The following PLB1 variants were observed in gnomAD, a reference collection of about 807,000 sequenced individuals.
The protein encoded by PLB1 is phospholipase B1.
PLB1 carries 242 observed loss-of-function variants against 227.4 expected under a neutral mutation model. The observed-to-expected ratio is 1.06, with a 90% CI of 0.96 to 1.18. The LOEUF (loss-of-function observed/expected upper bound fraction) is 1.18, where lower values mean the gene tolerates loss of function less well. Ranked by LOEUF, PLB1 falls within the 50% of genes most tolerant of loss-of-function variation. The pLI is 0.00. For missense variants in PLB1, 1,858 were observed against 1,816.3 expected (o/e 1.02, Z -0.42); for synonymous variants, 757 against 682.2 (o/e 1.11, Z -1.71).
chr2:28,636,029 ATG>A (rs1216850755), intron 56 of PLB1, among the ~76,000 whole-genome samples: 8 of 81,278 alleles, frequency 9.8e-5, no homozygotes, highest in African/African-American at 1.6e-4. Context: ...ATGTGTGTGT[ATG>A]TGTGTGTGTG....
At chr2:28,514,846 TA>T (rs1668662544) in intron 1 of PLB1, among the ~76,000 whole-genome samples, 1 of 152,162 alleles carries the variant, frequency 6.6e-6, no homozygotes, top group Non-Finnish European at 1.5e-5. Flanking sequence ...ATTTTTATTT[TA>T]TTTTTTTATT....
chr2:28,541,686 C>T lies in PLB1; in HGVS notation c.775-21C>T, dbSNP rs745760318. ...CCTCGCTCATGTTCCTGGATGGGCACCTCTCTGCTCCCTTCTCCAGGAAGC... is the reference window on the plus strand; with the variant it reads ...CCTCGCTCATGTTCCTGGATGGGCATCTCTCTGCTCCCTTCTCCAGGAAGC... On this transcript the variant is annotated intron_variant, in intron 12 of 57. Transcript: ENST00000327757. 8 of 1,597,504 alleles carry T rather than the reference C, an allele frequency of 5.0e-6. No homozygotes were observed. The East Asian group carries it at 1.1e-4, about 22-fold the overall frequency.
intron 9 of PLB1, among the ~76,000 whole-genome samples, chr2:28,536,255 A>C (rs959003725): frequency 2.0e-5 from 3 of 152,342 alleles, no homozygotes; most frequent in East Asian, 3.9e-4. Flanking sequence ...GCAACTATCC[A>C]TTAGGTGTGA....
chr2:28,625,532 G>A (rs1238021540), intron 50 of PLB1, among the ~76,000 whole-genome samples: 1 of 151,762 alleles, frequency 6.6e-6, no homozygotes, highest in Non-Finnish European at 1.5e-5. Context: ...ACCGTTCAGT[G>A]TTTATGCCTA....
chr2:28,547,222 A>G (rs888812510), intron 14 of PLB1, among the ~76,000 whole-genome samples: 6 of 151,554 alleles, frequency 4.0e-5, no homozygotes, highest in African/African-American at 7.3e-5. Context: ...AAAAAGAAAA[A>G]AAAAAAATTG....
intron 19 of PLB1, among the ~76,000 whole-genome samples, chr2:28,566,056 A>G (rs1008273586): frequency 6.6e-6 from 1 of 152,122 alleles, no homozygotes; most frequent in Non-Finnish European, 1.5e-5. Flanking sequence ...TCTGCTCTGT[A>G]TGTGATCAAA....
At chr2:28,591,678 G>T (rs761286046) in intron 30 of PLB1, 22 bp from the exon 31 acceptor site, 1 of 1,612,644 alleles carries the variant, frequency 6.2e-7, no homozygotes, top group Non-Finnish European at 8.5e-7. Context: ...CTGAGATTCT[G>T]GGATTTGTTC....
intron 10 of PLB1, among the ~76,000 whole-genome samples, chr2:28,538,641 C>T (rs1340010036): frequency 2.0e-5 from 3 of 152,220 alleles, no homozygotes; most frequent in Non-Finnish European, 4.4e-5. Context: ...TCCCTAAGGC[C>T]TCTCTCTACC....
chr2:28,512,703 T>C (rs1270461184), intron 1 of PLB1, among the ~76,000 whole-genome samples: 1 of 148,692 alleles, frequency 6.7e-6, no homozygotes, highest in Non-Finnish European at 1.5e-5. Context: ...TTTTTTTTTG[T>C]TGGCCTGGCA....
chr2:28,600,993 C>T, intron 36 of PLB1, 133 bp downstream of exon 36: 1 of 852,758 alleles, frequency 1.2e-6, no homozygotes, highest in South Asian at 1.6e-5. Context: ...GTCGGACAGC[C>T]CCCTGACAGA....
intron 56 of PLB1, among the ~76,000 whole-genome samples, chr2:28,635,284 G>A (rs959377610): frequency 2.6e-5 from 4 of 152,128 alleles, no homozygotes; most frequent in African/African-American, 4.8e-5. Flanking sequence ...TTTTCAGATC[G>A]GCTTCTGGCT....
intron 6 of PLB1, 85 bp downstream of exon 6, chr2:28,526,030 C>A: frequency 7.0e-7 from 1 of 1,427,216 alleles, no homozygotes; most frequent in Non-Finnish European, 9.7e-7. Flanking sequence ...AGAGAATGGA[C>A]ACCACCAGCC....
At chr2:28,588,459 A>G (rs527479898) in intron 26 of PLB1, among the ~76,000 whole-genome samples, 34 of 152,176 alleles carry the variant, frequency 2.2e-4, no homozygotes, top group Non-Finnish European at 4.7e-4. Flanking sequence ...GACATGAGAC[A>G]TTCCTGGCCT....
At chr2:28,601,992 A>G in intron 38 of PLB1, 28 bp downstream of exon 38, 1 of 1,574,284 alleles carries the variant, frequency 6.4e-7, no homozygotes, top group South Asian at 1.1e-5. Context: ...ACAAGCTGGT[A>G]ACAGCTCAAG....
chr2:28,604,626 G>A (rs747556201), intron 40 of PLB1, 29 bp from the exon 41 acceptor site: 30 of 1,603,072 alleles, frequency 1.9e-5, no homozygotes, highest in South Asian at 5.5e-5. Flanking sequence ...CCAGGGCCTG[G>A]GCTGAAGACC....
Position 28,581,617 on chromosome 2 carries a change from T to TGG in PLB1, c.1567-448_1567-447dup, listed in dbSNP as rs551479089. 8.3e-4 allele frequency among the ~76,000 whole-genome samples: 127 copies of TGG among 152,190 alleles called. 1 individual carries two copies. The highest frequency in any genetic ancestry group is 2.8e-3 in the African/African-American group (117 of 41,540). Reference sequence around the variant, plus strand: ...AGGATCATGGGGCTGGTGTCCAGGCTGGGGCCCCAAAGACAAACACTATTT... The same window carrying TGG: ...AGGATCATGGGGCTGGTGTCCAGGCTGGGGGGCCCCAAAGACAAACACTATTT... On this transcript the variant is annotated intron_variant, in intron 23 of 57. Coordinates refer to ENST00000327757, the MANE Select transcript of PLB1 (RefSeq NM_153021.5).
rs913379122 is a variant in PLB1, at chr2:28,566,931, GC to G, written c.1324+96del. ...GCAGGTGGCGCGGGCCTCGGGAGGA[GC>G]CCCGGCTGCAGGAGCCCGCTAAATT... On this transcript the variant is annotated intron_variant, in intron 20 of 57. Transcript: ENST00000327757. 21 of 1,466,610 alleles carry G rather than the reference GC, an allele frequency of 1.4e-5. No homozygotes were observed. In the African/African-American group the frequency reaches 2.9e-4, roughly 20 times the overall value. 90.8% of individuals were successfully genotyped at this position (1,466,610 alleles called of 1,614,324 possible).
At chr2:28,572,283 C>T (rs1321345254) in intron 20 of PLB1, among the ~76,000 whole-genome samples, 3 of 152,118 alleles carry the variant, frequency 2.0e-5, no homozygotes, top group Admixed American at 6.5e-5. Flanking sequence ...GAATTGAAGC[C>T]CTTGTAAACT....
At chr2:28,598,606 G>C in intron 34 of PLB1, 46 bp from the exon 35 acceptor site, 8 of 1,481,640 alleles carry the variant, frequency 5.4e-6, no homozygotes, top group Non-Finnish European at 7.6e-6. Context: ...AGCTATTCTG[G>C]CTTTCTGTTC....
Sources: allele counts gnomAD v4.1 joint callset (sites outside exome capture counted in the v4.1 genomes callset), GRCh38; gene constraint gnomAD v4.1.1; transcripts MANE v1.5; gene names NCBI Gene and HGNC (gene_info 2026-07-23, HGNC 2026-07-21).